Variants in PHACTR4 observed in about 807,000 individuals in gnomAD.
PHACTR4 encodes phosphatase and actin regulator 4, also known as protein phosphatase 1, regulatory subunit 124.
Under a neutral mutation model 72.7 loss-of-function variants are expected in PHACTR4, and 51 were observed. That is an observed-to-expected ratio of 0.70 (90% CI 0.56 to 0.89). The LOEUF is 0.89. PHACTR4 is among the 40% of genes least tolerant of loss of function. The pLI, the probability that PHACTR4 is intolerant of heterozygous loss-of-function variation, is 0.00. For missense variants in PHACTR4, 731 were observed against 861.8 expected (o/e 0.85, Z 1.90); for synonymous variants, 255 against 302.5 (o/e 0.84, Z 1.63).
At chr1:28,434,366 G>A (rs896910226) in intron 2 of PHACTR4, among the ~76,000 whole-genome samples, 4 of 150,060 alleles carry the variant, frequency 2.7e-5, no homozygotes, top group African/African-American at 7.4e-5. Context: ...TTGTCACCCC[G>A]GCTGGAATGC....
chr1:28,488,428 C>T lies in PHACTR4; in HGVS notation c.1761-742C>T, dbSNP rs549791987. Among the ~76,000 whole-genome samples, 406 of 152,236 alleles carry T rather than the reference C, an allele frequency of 2.7e-3. 1 individual carries two copies. The highest frequency in any genetic ancestry group is 9.5e-3 in the African/African-American group (393 of 41,554). ...AGGAGAATGTCATGAACCCGGGAGGCGGAGCTTGTAGTGAGCCGAGATTGC... is the reference window on the plus strand; with the variant it reads ...AGGAGAATGTCATGAACCCGGGAGGTGGAGCTTGTAGTGAGCCGAGATTGC... On this transcript the variant is annotated intron_variant, in intron 9 of 13. Coordinates refer to ENST00000373839, the MANE Select transcript of PHACTR4 (RefSeq NM_001048183.3).
chr1:28,473,405 G>A (rs1659705494), intron 6 of PHACTR4, 149 bp from the exon 7 acceptor site: 2 of 645,744 alleles, frequency 3.1e-6, no homozygotes, highest in Non-Finnish European at 5.4e-6. Flanking sequence ...TTCATTTCAG[G>A]ATAAAATATA....
intron 6 of PHACTR4, among the ~76,000 whole-genome samples, chr1:28,473,273 C>A (rs1659691118): frequency 9.4e-6 from 1 of 106,096 alleles, no homozygotes; most frequent in African/African-American, 4.6e-5. Context: ...GAGACCCTGT[C>A]TCAAAAAAAA....
chr1:28,419,402 T>C (rs200526161), intron 2 of PHACTR4, among the ~76,000 whole-genome samples: 119 of 151,856 alleles, frequency 7.8e-4, no homozygotes, highest in African/African-American at 2.7e-3. Flanking sequence ...CACATATATA[T>C]ACACACACAC....
At chr1:28,390,259 G>A (rs1419754349) in intron 1 of PHACTR4, among the ~76,000 whole-genome samples, 2 of 152,094 alleles carry the variant, frequency 1.3e-5, no homozygotes, top group Non-Finnish European at 1.5e-5. Flanking sequence ...GGTATCAAGC[G>A]ATCCTCCTGC....
intron 2 of PHACTR4, among the ~76,000 whole-genome samples, chr1:28,444,864 T>G (rs1657334585): frequency 6.6e-6 from 1 of 151,040 alleles, no homozygotes; most frequent in Non-Finnish European, 1.5e-5. Context: ...CCTGACCTCG[T>G]GATCCACTTG....
chr1:28,384,144 C>G (rs1652391426), intron 1 of PHACTR4, among the ~76,000 whole-genome samples: 1 of 151,974 alleles, frequency 6.6e-6, no homozygotes, highest in Non-Finnish European at 1.5e-5. Context: ...GTGTCTCTGC[C>G]AAGTTTTGGT....
intron 2 of PHACTR4, among the ~76,000 whole-genome samples, chr1:28,419,148 A>AT (rs1185233800): frequency 6.7e-5 from 10 of 149,440 alleles, no homozygotes; most frequent in African/African-American, 2.0e-4. Context: ...TGCCCAGCTA[A>AT]TTTTTTTGTA....
At chr1:28,418,977 A>G (rs1426409712) in intron 2 of PHACTR4, among the ~76,000 whole-genome samples, 4 of 138,434 alleles carry the variant, frequency 2.9e-5, no homozygotes, top group Admixed American at 1.4e-4. Flanking sequence ...AGAAAAATTT[A>G]AATCATTTGA....
At chr1:28,382,410 TCTC>T (rs1416553498) in intron 1 of PHACTR4, among the ~76,000 whole-genome samples, 2 of 151,802 alleles carry the variant, frequency 1.3e-5, no homozygotes, top group Non-Finnish European at 2.9e-5. Context: ...TTCACTCCAT[TCTC>T]CTGCCTCAGC....
intron 1 of PHACTR4, among the ~76,000 whole-genome samples, chr1:28,406,836 T>G (rs1318529679): frequency 6.6e-6 from 1 of 152,184 alleles, no homozygotes; most frequent in Non-Finnish European, 1.5e-5. Flanking sequence ...TTTTCATACT[T>G]GAGTGGATAA....
intron 8 of PHACTR4, among the ~76,000 whole-genome samples, chr1:28,479,944 G>T (rs1001399326): frequency 1.3e-5 from 2 of 152,116 alleles, no homozygotes; most frequent in African/African-American, 2.4e-5. Flanking sequence ...GTAGAGGAAA[G>T]GTGGCACATG....
chr1:28,423,270 G>A (rs1655623632), intron 2 of PHACTR4, among the ~76,000 whole-genome samples: 1 of 152,112 alleles, frequency 6.6e-6, no homozygotes, highest in Non-Finnish European at 1.5e-5. Flanking sequence ...TTAGCCAGGT[G>A]TGGTGGTGCA....
At chr1:28,372,868 A>C (rs12728482) in intron 1 of PHACTR4, among the ~76,000 whole-genome samples, 1 of 151,290 alleles carries the variant, frequency 6.6e-6, no homozygotes, top group Non-Finnish European at 1.5e-5. Flanking sequence ...AAAAAAAAAC[A>C]CAGAAATAAT....
chr1:28,476,116 TGAA>T lies in PHACTR4; in HGVS notation c.1440_1442del (p.Glu482del), dbSNP rs766236083. 1.3e-5 allele frequency: 21 copies of T among 1,602,312 alleles called. No individual in the cohort carries two copies. The highest frequency in any genetic ancestry group is 3.4e-4 in the Middle Eastern group (2 of 5,956). ...TATGTTAATTTGTTAGTCCAGACGA[TGAA>T]GAAGAAGAGGAGCAAACCTGTCCAT... On this transcript the variant is annotated inframe_deletion, in exon 8 of 14. Transcript: ENST00000373839.
At chr1:28,438,293 A>G in intron 2 of PHACTR4, 2 of 1,539,968 alleles carry the variant, frequency 1.3e-6, no homozygotes, top group Non-Finnish European at 1.8e-6. Context: ...AGAGGACCGC[A>G]TGTCCCCTCT....
intron 2 of PHACTR4, chr1:28,438,279 T>C (rs1229606913): frequency 1.3e-6 from 2 of 1,485,476 alleles, no homozygotes; most frequent in East Asian, 2.6e-5. Flanking sequence ...GCAGTGACAC[T>C]GAAAGAGGAC....
chr1:28,478,661 G>C (rs1405155027), intron 8 of PHACTR4, among the ~76,000 whole-genome samples: 1 of 151,922 alleles, frequency 6.6e-6, no homozygotes, highest in African/African-American at 2.4e-5. Flanking sequence ...TCACCATATT[G>C]GCTGGGATGG....
Position 28,474,040 on chromosome 1 carries a change from G to T in PHACTR4, c.1310G>T (p.Gly437Val). ...CTTCCCATGACTCCTATTCTGGAGGGTTCTCACAGAGCTCATTCGTTGCTT... is the reference window on the plus strand; with the variant it reads ...CTTCCCATGACTCCTATTCTGGAGGTTTCTCACAGAGCTCATTCGTTGCTT... ...SPLPMTPILE[G>V]SHRAHSLLFE... is the part of the protein sequence containing the mutation. The change falls in exon 7 of 14, where the codon GGT becomes GTT. Residue 437 changes from glycine (G) to valine (V), a missense_variant. Transcript: ENST00000373839. The T allele has an allele frequency of 6.2e-7, 1 of 1,614,166 alleles. No individual in the cohort carries two copies. The highest frequency in any genetic ancestry group is 1.3e-5 in the African/African-American group (1 of 75,036).
Sources: allele counts gnomAD v4.1 joint callset (sites outside exome capture counted in the v4.1 genomes callset), GRCh38; gene constraint gnomAD v4.1.1; transcripts MANE v1.5; gene names NCBI Gene and HGNC (gene_info 2026-07-23, HGNC 2026-07-21).